Variants in ARHGAP22 observed in about 807,000 individuals in gnomAD.
The protein encoded by ARHGAP22 is Rho GTPase activating protein 22.
ARHGAP22 carries 48 observed loss-of-function variants against 59.1 expected under a neutral mutation model. The ratio of observed to expected loss-of-function variants is 0.81; its 90% CI spans 0.64 to 1.03. ARHGAP22 has a LOEUF of 1.03. ARHGAP22 is among the 50% of genes least tolerant of loss of function. ARHGAP22 has a pLI of 0.00. For missense variants in ARHGAP22, 1,015 were observed against 958.7 expected (o/e 1.06, Z -0.78); for synonymous variants, 445 against 416.4 (o/e 1.07, Z -0.84).
intron 3 of ARHGAP22, among the ~76,000 whole-genome samples, chr10:48,522,815 A>G (rs1202634680): frequency 6.6e-6 from 1 of 152,230 alleles, no homozygotes; most frequent in Non-Finnish European, 1.5e-5. Flanking sequence ...GAACCTTGCA[A>G]CTACAGCACT....
chr10:48,589,360 C>T (rs1037667409), intron 1 of ARHGAP22, among the ~76,000 whole-genome samples: 2 of 152,148 alleles, frequency 1.3e-5, no homozygotes, highest in Admixed American at 1.3e-4. Context: ...CAACTTCCTC[C>T]ATCCTCCCAA....
rs77441658 is a variant in ARHGAP22 at position 48,591,603 on chromosome 10, T to C, written c.35-8451A>G. Among the ~76,000 whole-genome samples the C allele has an allele frequency of 9.1e-3, 1,384 of 152,238 alleles. 22 individuals are homozygous for C. Among genetic ancestry groups the C allele is most frequent in the African/African-American group, 0.032 (1,328 of 41,504 alleles). On this transcript the variant is annotated intron_variant, in intron 1 of 9. Transcript: ENST00000249601. ...TTTTAAAGTTTGGCGATATCACATG[T>C]TGGCGAGGCTGTGAGTAATCCTAAG...
chr10:48,573,293 A>G (rs2058511138), intron 2 of ARHGAP22, among the ~76,000 whole-genome samples: 1 of 152,208 alleles, frequency 6.6e-6, no homozygotes, highest in Non-Finnish European at 1.5e-5. Context: ...ATAGTCCTAT[A>G]AGATAGGTGT....
rs571641781 is a variant in ARHGAP22, at chr10:48,550,208, C to T, written c.322+5255G>A. On this transcript the variant is annotated intron_variant, in intron 3 of 9. Transcript: ENST00000249601. ...TCCTGGAAGTCCCATGCACTCCCTG[C>T]GTGCATTAGGGTCCCCTCCTCCAGG... Among the ~76,000 whole-genome samples the T allele has an allele frequency of 3.9e-5, 6 of 152,332 alleles. No individual in the cohort carries two copies. The South Asian group carries it at 8.3e-4, about 21-fold the overall frequency.
chr10:48,563,426 G>A (rs2057838581), intron 2 of ARHGAP22, among the ~76,000 whole-genome samples: 1 of 152,194 alleles, frequency 6.6e-6, no homozygotes. Context: ...ATCTGACCTC[G>A]TGATCCGCCC....
At chr10:48,583,473 A>G (rs1272724193) in intron 1 of ARHGAP22, among the ~76,000 whole-genome samples, 2 of 152,152 alleles carry the variant, frequency 1.3e-5, no homozygotes, top group Non-Finnish European at 1.5e-5. Context: ...GCATCCATCC[A>G]TGCATCCACC....
intron 3 of ARHGAP22, among the ~76,000 whole-genome samples, chr10:48,539,133 T>C (rs1448210055): frequency 1.3e-5 from 2 of 152,008 alleles, no homozygotes; most frequent in African/African-American, 4.8e-5. Flanking sequence ...CCGGAAAAAA[T>C]GGGCACAAAA....
At chr10:48,639,316 C>T (rs867404462) in intron 1 of ARHGAP22, among the ~76,000 whole-genome samples, 2 of 152,346 alleles carry the variant, frequency 1.3e-5, no homozygotes, top group Non-Finnish European at 2.9e-5. Context: ...CTGGCTTGGA[C>T]TGTATGCATG....
At chr10:48,556,076 TG>T (rs1235599319) in intron 2 of ARHGAP22, among the ~76,000 whole-genome samples, 1 of 152,142 alleles carries the variant, frequency 6.6e-6, no homozygotes, top group East Asian at 1.9e-4. Context: ...GCCAGGTGCC[TG>T]GGGTGCATGT....
chr10:48,458,488 C>T (rs1389701745), intron 5 of ARHGAP22, among the ~76,000 whole-genome samples: 4 of 152,068 alleles, frequency 2.6e-5, no homozygotes, highest in South Asian at 2.1e-4. Context: ...GTGGGTGAGG[C>T]GCAGACGGCC....
intron 1 of ARHGAP22, among the ~76,000 whole-genome samples, chr10:48,588,009 C>CA (rs1487347359): frequency 6.6e-6 from 1 of 152,254 alleles, no homozygotes; most frequent in Non-Finnish European, 1.5e-5. Context: ...GATGCTGAGC[C>CA]TGGCTGAGAG....
Position 48,590,657 on chromosome 10 carries a change from T to C in ARHGAP22, c.35-7505A>G, listed in dbSNP as rs552722173. ...TGAGTGGCCTGGTCAGGACTACAGG[T>C]CGCGCTGTGCCGGGCCATCTGGCCT... On this transcript the variant is annotated intron_variant, in intron 1 of 9. Transcript: ENST00000249601. Among the ~76,000 whole-genome samples the C allele has an allele frequency of 3.3e-5, 5 of 152,282 alleles. No individual in the cohort carries two copies. The South Asian group carries it at 8.3e-4, about 25-fold the overall frequency.
intron 3 of ARHGAP22, among the ~76,000 whole-genome samples, chr10:48,538,318 TTGGGGCCG>T (rs1163590995): frequency 6.6e-6 from 1 of 152,144 alleles, no homozygotes; most frequent in East Asian, 1.9e-4. Context: ...ACCATTGGAT[TTGGGGCCG>T]CTCTAATTCA....
intron 3 of ARHGAP22, among the ~76,000 whole-genome samples, chr10:48,482,044 C>A (rs1385887980): frequency 1.3e-5 from 2 of 152,156 alleles, no homozygotes; most frequent in African/African-American, 4.8e-5. Context: ...ATATTTCTCC[C>A]AGTCCATGTC....
intron 1 of ARHGAP22, among the ~76,000 whole-genome samples, chr10:48,621,584 G>C (rs1336737791): frequency 1.3e-5 from 2 of 152,164 alleles, no homozygotes; most frequent in African/African-American, 4.8e-5. Flanking sequence ...TTCATCCCTA[G>C]ATATTACATT....
At chr10:48,548,821 G>A (rs1033745950) in intron 3 of ARHGAP22, among the ~76,000 whole-genome samples, 1 of 152,224 alleles carries the variant, frequency 6.6e-6, no homozygotes. Flanking sequence ...GCAGGACCTG[G>A]GGGTCCTTGA....
intron 3 of ARHGAP22, among the ~76,000 whole-genome samples, chr10:48,491,681 C>T (rs558190261): frequency 6.6e-6 from 1 of 152,398 alleles, no homozygotes; most frequent in Non-Finnish European, 1.5e-5. Context: ...GACTGGCACA[C>T]GTGAAACCCT....
At chr10:48,554,388 G>T (rs1181957832) in intron 3 of ARHGAP22, among the ~76,000 whole-genome samples, 3 of 152,080 alleles carry the variant, frequency 2.0e-5, no homozygotes, top group African/African-American at 4.8e-5. Flanking sequence ...ACTGCTTTGC[G>T]ACCAATCATA....
chr10:48,603,674 G>A (rs969157181), intron 1 of ARHGAP22, among the ~76,000 whole-genome samples: 2 of 152,210 alleles, frequency 1.3e-5, no homozygotes, highest in African/African-American at 4.8e-5. Context: ...CCTCAGCAGA[G>A]CCATGCAAGT....
Sources: gnomAD v4.1 joint callset for allele counts (sites outside exome capture counted in the v4.1 genomes callset) on GRCh38, gnomAD v4.1.1 for gene constraint, MANE v1.5 for transcripts, NCBI Gene and HGNC (gene_info 2026-07-23, HGNC 2026-07-21) for gene names.